The following TNIK variants were observed in gnomAD, a reference collection of about 807,000 sequenced individuals.
The protein encoded by TNIK is TRAF2 and NCK interacting kinase, also known as TRAF2 and NCK-interacting protein kinase.
In TNIK, 49 loss-of-function variants were observed where a neutral mutation model predicts 191.3. That is an observed-to-expected ratio of 0.26 (90% CI 0.20 to 0.32). The LOEUF (loss-of-function observed/expected upper bound fraction) is 0.32. Ranked by LOEUF, TNIK falls within the 10% of genes least tolerant of loss-of-function variation. TNIK has a pLI of 1.00. For missense variants in TNIK, 1,155 were observed against 1,702.3 expected (o/e 0.68, Z 5.66); for synonymous variants, 594 against 600.9 (o/e 0.99, Z 0.17).
At chr3:171,408,734 C>G (rs1468620898) in intron 1 of TNIK, among the ~76,000 whole-genome samples, 2 of 152,206 alleles carry the variant, frequency 1.3e-5, no homozygotes, top group Non-Finnish European at 2.9e-5. Context: ...ACAAACCACC[C>G]TCTTTCACCT....
At chr3:171,218,289 G>A (rs1213634182) in intron 3 of TNIK, among the ~76,000 whole-genome samples, 1 of 152,092 alleles carries the variant, frequency 6.6e-6, no homozygotes, top group Non-Finnish European at 1.5e-5. Context: ...TTCCCTAAAG[G>A]GGTAGATAAC....
rs74560574 is a variant in TNIK, at chr3:171,136,468, T to C, written c.1608+1723A>G. Among the ~76,000 whole-genome samples, 849 of 152,116 alleles carry C rather than the reference T, an allele frequency of 5.6e-3. 9 individuals carry two copies. The highest frequency in any genetic ancestry group is 0.02 in the African/African-American group (818 of 41,462). On this transcript the variant is annotated intron_variant, in intron 15 of 32. Coordinates refer to ENST00000436636, the MANE Select transcript of TNIK (RefSeq NM_015028.4). ...TGGGCTACATCCTTGGGAGTGAGAG[T>C]GCCTTGGAGATCTCACTATGGTCCT...
intron 4 of TNIK, among the ~76,000 whole-genome samples, chr3:171,207,338 A>G (rs1740216360): frequency 6.6e-6 from 1 of 151,876 alleles, no homozygotes; most frequent in Non-Finnish European, 1.5e-5. Context: ...CACCAACAAT[A>G]TACAAATTCT....
At chr3:171,348,076 G>GT (rs1044358093) in intron 2 of TNIK, among the ~76,000 whole-genome samples, 1 of 152,150 alleles carries the variant, frequency 6.6e-6, no homozygotes, top group Admixed American at 6.6e-5. Flanking sequence ...TCTATAGTTT[G>GT]TTTTTGACAA....
At chr3:171,137,968 C>A (rs992786983) in intron 15 of TNIK, among the ~76,000 whole-genome samples, 87 of 119,332 alleles carry the variant, frequency 7.3e-4, no homozygotes, top group South Asian at 1.4e-3. Context: ...CAAAGATATA[C>A]AAAAAAAAAA....
At chr3:171,070,950 T>C (rs1719106282) in intron 29 of TNIK, among the ~76,000 whole-genome samples, 2 of 152,232 alleles carry the variant, frequency 1.3e-5, no homozygotes, top group South Asian at 4.1e-4. Context: ...TCATAATCAA[T>C]GCTATGCCTA....
At chr3:171,457,764 G>C (rs905445749) in intron 1 of TNIK, among the ~76,000 whole-genome samples, 1 of 152,212 alleles carries the variant, frequency 6.6e-6, no homozygotes, top group South Asian at 2.1e-4. Flanking sequence ...CAAGCTAGCT[G>C]TTGCCCTCTC....
chr3:171,303,227 GA>G lies in TNIK; in HGVS notation c.123+66392del, dbSNP rs1261661534. Among the ~76,000 whole-genome samples, 7 of 151,460 alleles carry G rather than the reference GA, an allele frequency of 4.6e-5. No individual in the cohort carries two copies. The South Asian group carries it at 6.3e-4, about 14-fold the overall frequency. On this transcript the variant is annotated intron_variant, in intron 2 of 32. Transcript: ENST00000436636. ...AAAGTAAATAGACAGTTACTACTAG[GA>G]AAAAAAAATTTAAGTTGGAGACAGT...
intron 2 of TNIK, among the ~76,000 whole-genome samples, chr3:171,357,783 G>C (rs1483096007): frequency 6.6e-6 from 1 of 152,168 alleles, no homozygotes; most frequent in Non-Finnish European, 1.5e-5. Context: ...CCAACAGGGG[G>C]TGAGGAAGGG....
At chr3:171,245,509 T>C (rs1745491309) in intron 2 of TNIK, among the ~76,000 whole-genome samples, 1 of 151,738 alleles carries the variant, frequency 6.6e-6, no homozygotes, top group Non-Finnish European at 1.5e-5. Context: ...GTGAAGGTGA[T>C]TAAAGGGCCA....
At chr3:171,396,950 G>C (rs1261571888) in intron 1 of TNIK, among the ~76,000 whole-genome samples, 1 of 152,170 alleles carries the variant, frequency 6.6e-6, no homozygotes, top group African/African-American at 2.4e-5. Flanking sequence ...ATTAGGTACA[G>C]ACAATTTTTT....
At chr3:171,332,734 GA>G (rs1577510126) in intron 2 of TNIK, among the ~76,000 whole-genome samples, 1 of 152,210 alleles carries the variant, frequency 6.6e-6, no homozygotes, top group African/African-American at 2.4e-5. Flanking sequence ...AAGGGTGACT[GA>G]GGATAAGAAA....
intron 4 of TNIK, among the ~76,000 whole-genome samples, chr3:171,208,519 C>T (rs968201797): frequency 1.4e-4 from 22 of 151,966 alleles, no homozygotes; most frequent in African/African-American, 5.1e-4. Context: ...TAATTATAAC[C>T]TCTTCAACAG....
intron 2 of TNIK, among the ~76,000 whole-genome samples, chr3:171,281,598 G>A (rs1003114151): frequency 6.6e-6 from 1 of 152,148 alleles, no homozygotes; most frequent in African/African-American, 2.4e-5. Flanking sequence ...CTTCCACAAG[G>A]AATGGGCAGT....
chr3:171,324,054 C>T (rs1281288868), intron 2 of TNIK, among the ~76,000 whole-genome samples: 2 of 150,896 alleles, frequency 1.3e-5, no homozygotes, highest in Non-Finnish European at 3.0e-5. Flanking sequence ...AAAACGAAAA[C>T]ACCCTGCCCA....
chr3:171,243,309 AT>A (rs1745204954), intron 2 of TNIK, among the ~76,000 whole-genome samples: 1 of 152,112 alleles, frequency 6.6e-6, no homozygotes. Context: ...AAAGGGCATC[AT>A]TTCTGTAAGT....
intron 3 of TNIK, among the ~76,000 whole-genome samples, chr3:171,219,899 C>T (rs1742069720): frequency 6.6e-6 from 1 of 152,062 alleles, no homozygotes; most frequent in African/African-American, 2.4e-5. Context: ...TGGGTATATA[C>T]CCAAAGGATT....
chr3:171,335,308 G>A lies in TNIK; in HGVS notation c.123+34312C>T, dbSNP rs9843354. On this transcript the variant is annotated intron_variant, in intron 2 of 32. Coordinates refer to ENST00000436636, the MANE Select transcript of TNIK (RefSeq NM_015028.4). ...CCAAATTTTGTTTTTTCTTGTTGAG[G>A]TATAATCTATGTTAAAATTCACCCA... is the stretch of plus-strand genomic sequence containing the variant. Among the ~76,000 whole-genome samples, 235 of 152,240 alleles carry A rather than the reference G, an allele frequency of 1.5e-3. 1 individual carries two copies. The highest frequency in any genetic ancestry group is 5.3e-3 in the African/African-American group (222 of 41,542).
chr3:171,130,535 A>G (rs1729102612), intron 15 of TNIK, among the ~76,000 whole-genome samples: 1 of 152,212 alleles, frequency 6.6e-6, no homozygotes, highest in Non-Finnish European at 1.5e-5. Flanking sequence ...TGGCTATTGC[A>G]TTGAGCAAAA....
Sources: allele counts gnomAD v4.1 joint callset (sites outside exome capture counted in the v4.1 genomes callset), GRCh38; gene constraint gnomAD v4.1.1; transcripts MANE v1.5; gene names NCBI Gene and HGNC (gene_info 2026-07-23, HGNC 2026-07-21).